LYPLAL1: variants seen among roughly 807,000 people sequenced by gnomAD.
LYPLAL1 encodes lysophospholipase like 1.
A neutral mutation model predicts 19.7 loss-of-function variants in LYPLAL1; 23 were observed. That is an observed-to-expected ratio of 1.17 (90% CI 0.84 to 1.65). The LOEUF is 1.65. LYPLAL1 is among the 40% of genes most tolerant of loss of function. The pLI is 0.00. For missense variants in LYPLAL1, 355 were observed against 279.4 expected (o/e 1.27, Z -1.93); for synonymous variants, 119 against 96.3 (o/e 1.24, Z -1.38).
the LYPLAL1 span, among the ~76,000 whole-genome samples, chr1:219,365,468 T>C: frequency 0.09 from 13,763 of 152,160 alleles, 632 homozygotes; most frequent in Middle Eastern, 0.11. Flanking sequence ...AAGGAAGGCT[T>C]CAAACAAAAG....
At chr1:219,405,879 A>G in the LYPLAL1 span, among the ~76,000 whole-genome samples, 8 of 152,142 alleles carry the variant, frequency 5.3e-5, no homozygotes, top group African/African-American at 1.7e-4. Context: ...AATAACCCCT[A>G]AATATGGAAG....
chr1:219,294,524 C>G, the LYPLAL1 span, among the ~76,000 whole-genome samples: 1 of 152,192 alleles, frequency 6.6e-6, no homozygotes, highest in Non-Finnish European at 1.5e-5. Context: ...TTGCTTTTGC[C>G]AGACTGACTC....
the LYPLAL1 span, among the ~76,000 whole-genome samples, chr1:219,270,613 T>G: frequency 6.6e-6 from 1 of 152,164 alleles, no homozygotes. Flanking sequence ...AAAAGGAAGA[T>G]GGAGTCGCTG....
chr1:219,241,134 C>CTCTCTCTCTCTCTCTCTCTCTCTA, the LYPLAL1 span, among the ~76,000 whole-genome samples: 1 of 44,370 alleles, frequency 2.3e-5, no homozygotes. Flanking sequence ...CTCTCTCTCT[C>CTCTCTCTCTCTCTCTCTCTCTCTA]TATATATATA....
At chr1:219,381,902 C>T in the LYPLAL1 span, among the ~76,000 whole-genome samples, 1 of 152,182 alleles carries the variant, frequency 6.6e-6, no homozygotes, top group Non-Finnish European at 1.5e-5. Context: ...TACAGGAAAT[C>T]ACATGGTCTG....
the LYPLAL1 span, among the ~76,000 whole-genome samples, chr1:219,237,701 A>C: frequency 5.3e-5 from 8 of 151,830 alleles, no homozygotes; most frequent in African/African-American, 1.9e-4. Flanking sequence ...CTCTTCCTCC[A>C]GGAAGCTTTC....
chr1:219,384,954 G>A, the LYPLAL1 span, among the ~76,000 whole-genome samples: 5 of 152,264 alleles, frequency 3.3e-5, no homozygotes, highest in South Asian at 6.2e-4. Flanking sequence ...CATACTTTTG[G>A]TTGTACAACA....
At chr1:219,419,479 G>C in the LYPLAL1 span, among the ~76,000 whole-genome samples, 5 of 150,704 alleles carry the variant, frequency 3.3e-5, no homozygotes, top group Admixed American at 2.7e-4. Context: ...TGATGATTTG[G>C]CTTGTGCTCT....
chr1:219,231,422 A>G, the LYPLAL1 span, among the ~76,000 whole-genome samples: 3 of 152,346 alleles, frequency 2.0e-5, no homozygotes, highest in South Asian at 2.1e-4. Context: ...TGTATTTTCT[A>G]TCAACAAGAG....
the LYPLAL1 span, among the ~76,000 whole-genome samples, chr1:219,408,912 T>A: frequency 6.6e-6 from 1 of 152,214 alleles, no homozygotes; most frequent in African/African-American, 2.4e-5. Context: ...GAGGATTTTG[T>A]GTTTTTATCC....
the LYPLAL1 span, among the ~76,000 whole-genome samples, chr1:219,387,286 A>G: frequency 7.0e-3 from 1,066 of 152,340 alleles, 19 homozygotes; most frequent in African/African-American, 0.024. Context: ...TTTTGTTAAA[A>G]TAAAATGTAG....
chr1:219,344,260 T>C, the LYPLAL1 span, among the ~76,000 whole-genome samples: 1 of 152,216 alleles, frequency 6.6e-6, no homozygotes, highest in East Asian at 1.9e-4. Flanking sequence ...CATTGTTTTC[T>C]CAGACCATAT....
chr1:219,185,065 G>T (rs1163562195), intron 2 of LYPLAL1, among the ~76,000 whole-genome samples: 1 of 151,770 alleles, frequency 6.6e-6, no homozygotes, highest in Non-Finnish European at 1.5e-5. Context: ...TTTTGATAAT[G>T]AATTCAATTT....
the LYPLAL1 span, among the ~76,000 whole-genome samples, chr1:219,340,048 A>G: frequency 6.6e-6 from 1 of 152,066 alleles, no homozygotes; most frequent in Non-Finnish European, 1.5e-5. Flanking sequence ...TGGAAAACCT[A>G]ACCCATTTAT....
At chr1:219,443,879 G>T in the LYPLAL1 span, among the ~76,000 whole-genome samples, 1 of 152,160 alleles carries the variant, frequency 6.6e-6, no homozygotes, top group East Asian at 1.9e-4. Flanking sequence ...AGGGTACCAG[G>T]CTGGAACCAG....
chr1:219,319,014 G>A, the LYPLAL1 span, among the ~76,000 whole-genome samples: 2 of 152,120 alleles, frequency 1.3e-5, no homozygotes, highest in African/African-American at 4.8e-5. Context: ...AGGCTTTATC[G>A]CAGTTATCTT....
At chr1:219,357,944 A>T in the LYPLAL1 span, among the ~76,000 whole-genome samples, 1 of 152,222 alleles carries the variant, frequency 6.6e-6, no homozygotes. Flanking sequence ...CAAAGGCTAC[A>T]TATTATATGT....
chr1:219,366,303 A>C, the LYPLAL1 span, among the ~76,000 whole-genome samples: 1 of 152,342 alleles, frequency 6.6e-6, no homozygotes, highest in East Asian at 1.9e-4. Flanking sequence ...TGGAGCTGGA[A>C]ATGTGACAAA....
the LYPLAL1 span, among the ~76,000 whole-genome samples, chr1:219,373,163 G>A: frequency 6.6e-6 from 1 of 152,196 alleles, no homozygotes; most frequent in Non-Finnish European, 1.5e-5. Context: ...GTGCGTACAT[G>A]TAGCTATGAC....
Sources: gnomAD v4.1 joint callset for allele counts (sites outside exome capture counted in the v4.1 genomes callset) on GRCh38, gnomAD v4.1.1 for gene constraint, MANE v1.5 for transcripts, NCBI Gene and HGNC (gene_info 2026-07-23, HGNC 2026-07-21) for gene names.